The following ENOX1 variants were observed in gnomAD, a reference collection of about 807,000 sequenced individuals.
The protein encoded by ENOX1 is candidate growth-related and time keeping constitutive hydroquinone (NADH) oxidase.
In ENOX1, 42 loss-of-function variants were observed where a neutral mutation model predicts 82.5. The observed-to-expected ratio is 0.51, with a 90% CI of 0.40 to 0.66. The LOEUF (loss-of-function observed/expected upper bound fraction) is 0.66. Among genes scored for constraint, ENOX1 ranks in the 30% least tolerant of loss-of-function variants. ENOX1 has a pLI of 0.00. For missense variants in ENOX1, 608 were observed against 811.6 expected, an observed-to-expected ratio of 0.75 and a Z score of 3.05; for synonymous variants, 271 against 282.2, an observed-to-expected ratio of 0.96 and a Z score of 0.40.
intron 14 of ENOX1, 63 bp downstream of exon 14, chr13:43,265,335 A>G: frequency 1.4e-6 from 2 of 1,388,914 alleles, no homozygotes; most frequent in Non-Finnish European, 2.0e-6. Context: ...ATAAAGTGCT[A>G]CATCCCCATG....
chr13:43,586,717 C>T (rs2081003902), intron 2 of ENOX1, among the ~76,000 whole-genome samples: 1 of 152,240 alleles, frequency 6.6e-6, no homozygotes, highest in South Asian at 2.1e-4. Context: ...TGATACCCGC[C>T]CAGTCAGACA....
intron 1 of ENOX1, among the ~76,000 whole-genome samples, chr13:43,669,129 G>T (rs2085132255): frequency 6.6e-6 from 1 of 152,150 alleles, no homozygotes; most frequent in Non-Finnish European, 1.5e-5. Context: ...CTCCACATTT[G>T]CTATTTGATC....
chr13:43,514,175 A>G (rs1330792885), intron 2 of ENOX1, among the ~76,000 whole-genome samples: 1 of 152,172 alleles, frequency 6.6e-6, no homozygotes, highest in African/African-American at 2.4e-5. Context: ...ATTCTATTAA[A>G]GTTGAGGTAG....
chr13:43,672,563 G>A (rs576866368), intron 1 of ENOX1, among the ~76,000 whole-genome samples: 9 of 152,072 alleles, frequency 5.9e-5, no homozygotes, highest in Non-Finnish European at 5.9e-5. Context: ...CATCAGCCAC[G>A]AACTTAGGTT....
In ENOX1 at chr13:43,344,659, G is replaced by T. The variant is rs1246058262; in HGVS notation, c.915C>A (p.Ser305=). 2.5e-6 allele frequency: 4 copies of T among 1,614,094 alleles called. No homozygotes were observed. The South Asian group carries it at 4.4e-5, about 18-fold the overall frequency. The change falls in exon 9 of 17, where the codon TCC becomes TCA. Residue 305 remains serine, a synonymous_variant. Transcript: ENST00000690772. ...CGTGGCTGTTGGCCGACTGCACCAT[G>T]GAATAGAACTGGTTTGCAGAGCGCC... ...VNRRSANQFY[S]MVQSANSHVR...
At chr13:43,453,180 T>C (rs902182126) in intron 3 of ENOX1, among the ~76,000 whole-genome samples, 1 of 152,200 alleles carries the variant, frequency 6.6e-6, no homozygotes, top group African/African-American at 2.4e-5. Context: ...GTCTAGGTGA[T>C]TCTTCAGTTG....
intron 11 of ENOX1, among the ~76,000 whole-genome samples, chr13:43,315,132 C>T (rs1437597809): frequency 2.0e-5 from 3 of 152,114 alleles, no homozygotes; most frequent in African/African-American, 7.2e-5. Context: ...AAATTAGAAG[C>T]CAAAACATTC....
chr13:43,249,832 A>G (rs2043349272), intron 14 of ENOX1, among the ~76,000 whole-genome samples: 1 of 152,170 alleles, frequency 6.6e-6, no homozygotes, highest in Admixed American at 6.5e-5. Flanking sequence ...TAAACATTGA[A>G]TATCTTCCTT....
chr13:43,430,218 C>T (rs773031443), intron 3 of ENOX1, among the ~76,000 whole-genome samples: 17 of 152,204 alleles, frequency 1.1e-4, no homozygotes, highest in Non-Finnish European at 2.1e-4. Flanking sequence ...AAGAAGCTAA[C>T]TTCAACAGTC....
chr13:43,272,218 C>T lies in ENOX1; in HGVS notation c.1447-2641G>A, dbSNP rs138368789. Among the ~76,000 whole-genome samples the T allele has an allele frequency of 1.4e-4, 22 of 152,244 alleles. No individual in the cohort carries two copies. In the East Asian group the frequency reaches 4.0e-3, roughly 28 times the overall value. On this transcript the variant is annotated intron_variant, in intron 12 of 16. Coordinates refer to ENST00000690772, the MANE Select transcript of ENOX1 (RefSeq NM_001347969.2). Reference sequence around the variant, plus strand: ...CCATGCTTCTGATGGGGTATATCCACCCCATTTTACCCAACCCACTCTCAC... The same window carrying T: ...CCATGCTTCTGATGGGGTATATCCATCCCATTTTACCCAACCCACTCTCAC...
chr13:43,460,515 T>A (rs1355794864), intron 3 of ENOX1, among the ~76,000 whole-genome samples: 4 of 152,034 alleles, frequency 2.6e-5, no homozygotes, highest in African/African-American at 2.4e-5. Context: ...AAAAGTGGGA[T>A]AGCTGCCGGG....
rs1355560451 is a variant in ENOX1, at chr13:43,458,558, AT to A, written c.-75+25450del. 3.9e-5 allele frequency: 6 copies of A among 152,324 alleles called. No individual in the cohort carries two copies. In the South Asian group the frequency reaches 1.0e-3, roughly 26 times the overall value. The allele number at this position is 152,324 out of a possible 1,614,324, so 9.4% of individuals were successfully genotyped here. ...TACAGAAAATTGAGAAAATCATTAT[AT>A]TGATATATTGATTATATTAAGAAAA... On this transcript the variant is annotated intron_variant, in intron 3 of 16. Coordinates refer to ENST00000690772, the MANE Select transcript of ENOX1 (RefSeq NM_001347969.2).
intron 14 of ENOX1, among the ~76,000 whole-genome samples, chr13:43,255,042 C>T (rs1297842986): frequency 6.6e-6 from 1 of 151,954 alleles, no homozygotes; most frequent in African/African-American, 2.4e-5. Flanking sequence ...TGCAAAAAAT[C>T]CTCAACAAAA....
intron 1 of ENOX1, among the ~76,000 whole-genome samples, chr13:43,742,825 A>C (rs1454949059): frequency 6.6e-6 from 1 of 152,204 alleles, no homozygotes; most frequent in Non-Finnish European, 1.5e-5. Flanking sequence ...GAAAGGACTC[A>C]GTTGACTCTA....
chr13:43,610,001 C>T, intron 2 of ENOX1: 3 of 673,608 alleles, frequency 4.5e-6, no homozygotes, highest in Non-Finnish European at 5.5e-6. Context: ...CCTATTTTCC[C>T]AAGTTTTGAA....
chr13:43,775,872 G>A (rs1951888529), intron 1 of ENOX1, among the ~76,000 whole-genome samples: 4 of 152,208 alleles, frequency 2.6e-5, no homozygotes, highest in Admixed American at 2.6e-4. Context: ...TTAAGGCAGT[G>A]TGTGTGACCA....
At chr13:43,749,861 A>G (rs570488939) in intron 1 of ENOX1, among the ~76,000 whole-genome samples, 1 of 152,342 alleles carries the variant, frequency 6.6e-6, no homozygotes, top group Admixed American at 6.5e-5. Context: ...GAGCTTTAAG[A>G]ATTCAGGATC....
chr13:43,362,501 C>G (rs1411122320), intron 5 of ENOX1, among the ~76,000 whole-genome samples: 1 of 152,114 alleles, frequency 6.6e-6, no homozygotes, highest in Non-Finnish European at 1.5e-5. Context: ...ATCCTATCTT[C>G]TTCTCCCTCC....
At chr13:43,240,535 TG>T (rs1566310938) in intron 14 of ENOX1, among the ~76,000 whole-genome samples, 1 of 151,878 alleles carries the variant, frequency 6.6e-6, no homozygotes, top group Non-Finnish European at 1.5e-5. Flanking sequence ...TCAAAACCCA[TG>T]CAGAGTGCAA....
Sources: allele counts gnomAD v4.1 joint callset (sites outside exome capture counted in the v4.1 genomes callset), GRCh38; gene constraint gnomAD v4.1.1; transcripts MANE v1.5; gene names NCBI Gene and HGNC (gene_info 2026-07-23, HGNC 2026-07-21).